Variants in GPC6 observed in about 807,000 individuals in gnomAD.
GPC6 encodes the protein glypican 6.
Under a neutral mutation model 55.2 loss-of-function variants are expected in GPC6, and 14 were observed. The observed-to-expected ratio is 0.25, with a 90% CI of 0.17 to 0.40. The LOEUF is 0.40. Among genes scored for constraint, GPC6 ranks in the 10% least tolerant of loss-of-function variants. The pLI is 1.00. For synonymous variants in GPC6, 278 were observed against 259.6 expected (o/e 1.07, Z -0.68); for missense variants, 641 against 708.5 (o/e 0.90, Z 1.08).
At chr13:94,103,632 A>G (rs1033019713) in intron 4 of GPC6, among the ~76,000 whole-genome samples, 1 of 152,182 alleles carries the variant, frequency 6.6e-6, no homozygotes, top group Non-Finnish European at 1.5e-5. Flanking sequence ...TTCTCTGATG[A>G]GCAGTGATGA....
intron 1 of GPC6, among the ~76,000 whole-genome samples, chr13:93,401,305 G>C (rs1048828658): frequency 2.0e-5 from 3 of 151,996 alleles, no homozygotes; most frequent in African/African-American, 7.3e-5. Context: ...CCACAGTGAG[G>C]ACAGTCAACA....
intron 2 of GPC6, among the ~76,000 whole-genome samples, chr13:93,616,654 A>G (rs568659937): frequency 5.5e-4 from 84 of 152,234 alleles, no homozygotes; most frequent in African/African-American, 1.9e-3. Context: ...TGCTCAGGCA[A>G]GAACCATCCT....
chr13:93,669,239 A>T (rs148853294), intron 2 of GPC6, among the ~76,000 whole-genome samples: 154 of 152,306 alleles, frequency 1.0e-3, no homozygotes, highest in African/African-American at 3.5e-3. Flanking sequence ...ATTGTATTGC[A>T]ATGCCGGGGA....
chr13:93,579,510 T>C (rs542853825), intron 2 of GPC6, among the ~76,000 whole-genome samples: 1 of 152,102 alleles, frequency 6.6e-6, no homozygotes, highest in Non-Finnish European at 1.5e-5. Flanking sequence ...TTTTTTCAGA[T>C]GGGAGAAATT....
At chr13:93,490,172 C>T (rs553389887) in intron 1 of GPC6, among the ~76,000 whole-genome samples, 51 of 151,576 alleles carry the variant, frequency 3.4e-4, no homozygotes, top group African/African-American at 1.1e-3. Context: ...GAGTTTTTAG[C>T]ACGAAGGGCT....
chr13:93,627,088 G>A (rs1486558656), intron 2 of GPC6, among the ~76,000 whole-genome samples: 2 of 152,010 alleles, frequency 1.3e-5, no homozygotes, highest in East Asian at 3.9e-4. Context: ...ACATGCCATG[G>A]TAGTTTGCCG....
Position 93,248,638 on chromosome 13 carries a change from T to C in GPC6, c.160+21022T>C, listed in dbSNP as rs188764767. ...CCTAAGCCATAAGCCTGAAGGTTCCTGGAAGTACTGAGCTGCTCATTACCT... is the reference window on the plus strand; with the variant it reads ...CCTAAGCCATAAGCCTGAAGGTTCCCGGAAGTACTGAGCTGCTCATTACCT... On this transcript the variant is annotated intron_variant, in intron 1 of 8. Coordinates refer to ENST00000377047, the MANE Select transcript of GPC6 (RefSeq NM_005708.5). Among the ~76,000 whole-genome samples the C allele has an allele frequency of 8.3e-4, 127 of 152,308 alleles. No homozygotes were observed. In the Middle Eastern group the frequency reaches 0.01, roughly 12 times the overall value.
chr13:94,138,581 C>T (rs1887264955), intron 4 of GPC6, among the ~76,000 whole-genome samples: 2 of 152,200 alleles, frequency 1.3e-5, no homozygotes, highest in Admixed American at 6.5e-5. Context: ...TTATCATCAA[C>T]CTCACATACA....
chr13:94,255,538 C>T (rs1024108245), intron 4 of GPC6, among the ~76,000 whole-genome samples: 2 of 152,102 alleles, frequency 1.3e-5, no homozygotes, highest in African/African-American at 4.8e-5. Context: ...TTTCAGCATC[C>T]CTCTCTCTTT....
At chr13:94,298,601 C>A (rs558747415) in intron 5 of GPC6, among the ~76,000 whole-genome samples, 1 of 152,222 alleles carries the variant, frequency 6.6e-6, no homozygotes, top group African/African-American at 2.4e-5. Flanking sequence ...GGAAGCCAAT[C>A]TAACTATTTT....
chr13:93,609,536 C>G (rs1878380943), intron 2 of GPC6, among the ~76,000 whole-genome samples: 2 of 152,180 alleles, frequency 1.3e-5, no homozygotes, highest in Admixed American at 1.3e-4. Context: ...CCGCGCCCAG[C>G]TGCTAACCTG....
At chr13:93,350,992 C>A (rs575784308) in intron 1 of GPC6, among the ~76,000 whole-genome samples, 1 of 152,044 alleles carries the variant, frequency 6.6e-6, no homozygotes, top group South Asian at 2.1e-4. Context: ...AGTAGTTGAA[C>A]CCTGAAAATT....
chr13:93,292,010 C>T (rs764154209), intron 1 of GPC6, among the ~76,000 whole-genome samples: 2 of 152,064 alleles, frequency 1.3e-5, no homozygotes, highest in Non-Finnish European at 2.9e-5. Flanking sequence ...TAGTTTTGTT[C>T]AATTTAAGAA....
chr13:93,364,378 C>A (rs1042963774), intron 1 of GPC6, among the ~76,000 whole-genome samples: 1 of 152,024 alleles, frequency 6.6e-6, no homozygotes, highest in Non-Finnish European at 1.5e-5. Context: ...GTAAGAAAAT[C>A]ACAATGATGC....
At chr13:94,088,504 C>T (rs1885364247) in intron 4 of GPC6, among the ~76,000 whole-genome samples, 1 of 143,060 alleles carries the variant, frequency 7.0e-6, no homozygotes, top group Non-Finnish European at 1.5e-5. Context: ...GCCTGGACAA[C>T]TTAGCAAGAC....
chr13:94,114,305 C>T (rs1886355874), intron 4 of GPC6, among the ~76,000 whole-genome samples: 1 of 151,966 alleles, frequency 6.6e-6, no homozygotes, highest in South Asian at 2.1e-4. Flanking sequence ...AAAAAGATGT[C>T]TTAAAGAGAT....
At chr13:93,693,902 A>G (rs1248547961) in intron 2 of GPC6, among the ~76,000 whole-genome samples, 1 of 152,220 alleles carries the variant, frequency 6.6e-6, no homozygotes, top group Non-Finnish European at 1.5e-5. Context: ...TAATTGTTTC[A>G]TGCCCACCTT....
intron 3 of GPC6, among the ~76,000 whole-genome samples, chr13:93,977,722 G>C (rs573254278): frequency 6.6e-6 from 1 of 152,178 alleles, no homozygotes; most frequent in Non-Finnish European, 1.5e-5. Flanking sequence ...GCTTCAGCCT[G>C]ACTTTCTCAG....
chr13:93,476,280 G>A (rs182759549), intron 1 of GPC6, among the ~76,000 whole-genome samples: 8 of 152,136 alleles, frequency 5.3e-5, no homozygotes, highest in Admixed American at 5.2e-4. Flanking sequence ...GTGTGTGTGT[G>A]CGTGTCTGTG....
Sources: gnomAD v4.1 joint callset for allele counts (sites outside exome capture counted in the v4.1 genomes callset) on GRCh38, gnomAD v4.1.1 for gene constraint, MANE v1.5 for transcripts, NCBI Gene and HGNC (gene_info 2026-07-23, HGNC 2026-07-21) for gene names.